MBNL1: variants seen among roughly 807,000 people sequenced by gnomAD.
MBNL1 encodes muscleblind-like protein 1.
MBNL1 carries 8 observed loss-of-function variants against 42.2 expected under a neutral mutation model. That is an observed-to-expected ratio of 0.19 (90% CI 0.11 to 0.34). The LOEUF is 0.34. Ranked by LOEUF, MBNL1 falls within the 10% of genes least tolerant of loss-of-function variation. The pLI, the probability that MBNL1 is intolerant of heterozygous loss-of-function variation, is 1.00. For missense variants in MBNL1, 309 were observed against 495.3 expected (o/e 0.62, Z 3.57); for synonymous variants, 169 against 173.9 (o/e 0.97, Z 0.22).
rs945056759 is a variant in MBNL1 at position 152,462,435 on chromosome 3, G to A, written c.*69G>A. ...GTGCTTGGTTAGAGTAAAGGACGAG[G>A]TCATTAGCCATATTGTATATATCGT... is the stretch of plus-strand genomic sequence containing the variant. On this transcript the variant is annotated 3_prime_UTR_variant, in exon 10 of 10. Transcript: ENST00000324210. 5 of 152,102 alleles carry A rather than the reference G, an allele frequency of 3.3e-5. No homozygotes were observed. The highest frequency in any genetic ancestry group is 7.4e-5 in the Non-Finnish European group (5 of 68,002). 9.4% of individuals were successfully genotyped at this position (152,102 alleles called of 1,614,324 possible). A position where few individuals can be genotyped will look rare whatever the true frequency, so the allele number is the denominator to read the frequency against.
chr3:152,254,815 A>G (rs542905527), intron 2 of MBNL1, among the ~76,000 whole-genome samples: 1 of 152,206 alleles, frequency 6.6e-6, no homozygotes, highest in East Asian at 1.9e-4. Context: ...GCTTCACATG[A>G]TTAACGAATT....
intron 2 of MBNL1, among the ~76,000 whole-genome samples, chr3:152,355,408 C>T (rs1045592225): frequency 1.3e-5 from 2 of 151,950 alleles, no homozygotes; most frequent in African/African-American, 4.8e-5. Flanking sequence ...AAATTTTACA[C>T]AAATAAAAAT....
At chr3:152,346,878 AATT>A (rs1190656170) in intron 2 of MBNL1, among the ~76,000 whole-genome samples, 5 of 81,726 alleles carry the variant, frequency 6.1e-5, no homozygotes, top group Admixed American at 4.9e-4. Context: ...AAATCACTTT[AATT>A]AAAAAAAAAA....
chr3:152,392,629 C>A (rs1306738596), intron 2 of MBNL1, among the ~76,000 whole-genome samples: 1 of 152,122 alleles, frequency 6.6e-6, no homozygotes, highest in South Asian at 2.1e-4. Flanking sequence ...ATCCTTAACC[C>A]CTTTCTATTT....
At chr3:152,372,597 GAC>G (rs2096716855) in intron 2 of MBNL1, among the ~76,000 whole-genome samples, 1 of 152,174 alleles carries the variant, frequency 6.6e-6, no homozygotes, top group Non-Finnish European at 1.5e-5. Flanking sequence ...GTCCACTCCA[GAC>G]CCTGTTTGCC....
chr3:152,418,436 G>A (rs2098739406), intron 3 of MBNL1, among the ~76,000 whole-genome samples: 2 of 151,924 alleles, frequency 1.3e-5, no homozygotes, highest in South Asian at 4.2e-4. Context: ...ACTTTGGGAG[G>A]CTGAGGCAGG....
At chr3:152,311,691 T>A (rs1253113255) in intron 2 of MBNL1, among the ~76,000 whole-genome samples, 1 of 151,628 alleles carries the variant, frequency 6.6e-6, no homozygotes, top group Non-Finnish European at 1.5e-5. Context: ...TATTTAAAAA[T>A]AGCTCACACT....
chr3:152,377,839 C>T (rs781385309), intron 2 of MBNL1, among the ~76,000 whole-genome samples: 4 of 152,162 alleles, frequency 2.6e-5, no homozygotes, highest in Admixed American at 6.5e-5. Flanking sequence ...AGGAAATCTT[C>T]GCTTACTGTC....
chr3:152,280,219 A>G (rs1231584679), intron 1 of MBNL1, among the ~76,000 whole-genome samples: 4 of 152,162 alleles, frequency 2.6e-5, no homozygotes, highest in Middle Eastern at 3.2e-3. Flanking sequence ...ATATTCACAA[A>G]TAATGGACGG....
intron 6 of MBNL1, among the ~76,000 whole-genome samples, chr3:152,449,573 G>T (rs768519566): frequency 1.6e-4 from 24 of 152,058 alleles, no homozygotes; most frequent in Non-Finnish European, 2.1e-4. Context: ...TGACACTAGT[G>T]TCTCCCTAGA....
chr3:152,312,081 A>G (rs2066938192), intron 2 of MBNL1, among the ~76,000 whole-genome samples: 1 of 150,890 alleles, frequency 6.6e-6, no homozygotes, highest in African/African-American at 2.4e-5. Flanking sequence ...AGTCCCAGCT[A>G]CTTGGGAGGC....
intron 2 of MBNL1, among the ~76,000 whole-genome samples, chr3:152,315,840 G>A (rs963200848): frequency 7.2e-6 from 1 of 139,514 alleles, no homozygotes; most frequent in Non-Finnish European, 1.5e-5. Flanking sequence ...TAGTGAAAGC[G>A]TGTGAACACA....
intron 2 of MBNL1, among the ~76,000 whole-genome samples, chr3:152,326,121 G>A (rs1230644358): frequency 6.6e-6 from 1 of 151,972 alleles, no homozygotes; most frequent in Non-Finnish European, 1.5e-5. Context: ...GAAAATTGAC[G>A]ACAATTTTAT....
chr3:152,245,845 G>T (rs991165789), intron 2 of MBNL1, among the ~76,000 whole-genome samples: 3 of 152,064 alleles, frequency 2.0e-5, no homozygotes, highest in Non-Finnish European at 4.4e-5. Flanking sequence ...TACTTAACTC[G>T]ATGAAAATTT....
chr3:152,327,147 T>G (rs149488995), intron 2 of MBNL1, among the ~76,000 whole-genome samples: 373 of 152,158 alleles, frequency 2.5e-3, no homozygotes, highest in Admixed American at 5.7e-3. Flanking sequence ...TTTTTTTTGA[T>G]TAATATGTTT....
intron 2 of MBNL1, among the ~76,000 whole-genome samples, chr3:152,260,924 T>C (rs2036151070): frequency 6.6e-6 from 1 of 152,208 alleles, no homozygotes; most frequent in African/African-American, 2.4e-5. Context: ...TAGATGCATA[T>C]GGGCACCAGC....
intron 1 of MBNL1, among the ~76,000 whole-genome samples, chr3:152,276,959 T>C (rs967571241): frequency 1.3e-5 from 2 of 152,078 alleles, no homozygotes; most frequent in African/African-American, 4.8e-5. Context: ...AAGGTTAGGC[T>C]GCATAGGATG....
At chr3:152,377,582 TG>T (rs1174601660) in intron 2 of MBNL1, among the ~76,000 whole-genome samples, 4 of 152,056 alleles carry the variant, frequency 2.6e-5, no homozygotes, top group African/African-American at 9.7e-5. Context: ...AAGAAATGTT[TG>T]TTGTCATTAT....
intron 4 of MBNL1, among the ~76,000 whole-genome samples, chr3:152,442,817 T>C (rs2099161463): frequency 6.6e-6 from 1 of 152,196 alleles, no homozygotes; most frequent in South Asian, 2.1e-4. Flanking sequence ...GCTTGGTAAA[T>C]TTCCAGTCCC....
Sources: allele counts gnomAD v4.1 joint callset (sites outside exome capture counted in the v4.1 genomes callset), GRCh38; gene constraint gnomAD v4.1.1; transcripts MANE v1.5; gene names NCBI Gene and HGNC (gene_info 2026-07-23, HGNC 2026-07-21).